The following STEAP4 variants were observed in gnomAD, a reference collection of about 807,000 sequenced individuals.
STEAP4 encodes metalloreductase STEAP4.
STEAP4 carries 36 observed loss-of-function variants against 43.6 expected under a neutral mutation model. The ratio of observed to expected loss-of-function variants is 0.83; its 90% CI spans 0.63 to 1.09. STEAP4 has a LOEUF of 1.09. STEAP4 is among the 50% of genes least tolerant of loss of function. The pLI, the probability that STEAP4 is intolerant of heterozygous loss-of-function variation, is 0.00. For synonymous variants in STEAP4, 191 were observed against 196.7 expected (o/e 0.97, Z 0.24); for missense variants, 495 against 546.5 (o/e 0.91, Z 0.94).
chr7:88,282,744 C>G lies in STEAP4; in HGVS notation c.881G>C (p.Gly294Ala). Residue 294 changes from glycine to alanine, a missense_variant, in exon 3 of 5, where the codon GGC becomes GCC. Physicochemically the swap from Gly to Ala is moderately conservative, Grantham distance 60. Transcript: ENST00000380079. Reference sequence around the variant, plus strand: ...GAAGGCAAATCCCAGAGCTACCAAGCCAAGCTGCTTTCGGCAAAGCATCCA... The same window carrying G: ...GAAGGCAAATCCCAGAGCTACCAAGGCAAGCTGCTTTCGGCAAAGCATCCA... ...DHWMLCRKQL[G>A]LVALGFAFLH... 6.2e-7 allele frequency: 1 copy of G among 1,614,120 alleles called. No individual in the cohort carries two copies. Among genetic ancestry groups the G allele is most frequent in the Non-Finnish European group, 8.5e-7 (1 of 1,180,024 alleles).
At chr7:88,280,167 A>C (rs1189788087) in intron 4 of STEAP4, among the ~76,000 whole-genome samples, 2 of 152,240 alleles carry the variant, frequency 1.3e-5, no homozygotes, top group Non-Finnish European at 2.9e-5. Context: ...TGTTGACTGC[A>C]TTTGGTCCCT....
rs1208747369 is a variant in STEAP4 at position 88,271,347 on chromosome 7, T to C, written c.*8051A>G. On this transcript the variant is annotated 3_prime_UTR_variant, in exon 5 of 5. Coordinates refer to ENST00000380079, the MANE Select transcript of STEAP4 (RefSeq NM_024636.4). ...TCTTGTTTGGTATGGATCTTTTGAA[T>C]CCTTCTGAGAGTTTCTTTAGGCAAT... 1.3e-5 allele frequency: 2 copies of C among 152,228 alleles called. No individual in the cohort carries two copies. The allele number at this position is 152,228 out of a possible 1,614,324, so 9.4% of individuals were successfully genotyped here.
At chr7:88,283,349 A>AC in intron 2 of STEAP4, 181 bp from the exon 3 acceptor site, 1 of 652,320 alleles carries the variant, frequency 1.5e-6, no homozygotes, top group Non-Finnish European at 2.4e-6. Context: ...GGTGTCTTAG[A>AC]TAGGTAAGTA....
chr7:88,280,691 T>A (rs1852603179), intron 4 of STEAP4, among the ~76,000 whole-genome samples: 1 of 152,190 alleles, frequency 6.6e-6, no homozygotes, highest in Non-Finnish European at 1.5e-5. Context: ...ACCTAGTACA[T>A]CTCCACACAT....
At chr7:88,290,408 T>C (rs1031411109) in intron 1 of STEAP4, 3 of 152,084 alleles carry the variant, frequency 2.0e-5, no homozygotes, top group African/African-American at 7.2e-5. Flanking sequence ...AAAAATCAGC[T>C]AATGACCATG....
Position 88,275,782 on chromosome 7 carries a change from A to G in STEAP4, c.*3616T>C, listed in dbSNP as rs1283283233. On this transcript the variant is annotated 3_prime_UTR_variant, in exon 5 of 5. Transcript: ENST00000380079. ...TGCTCTCAGAGGTGAAATGCATAAT[A>G]TGCATTTATCATTATCATGGCTCTT... 6.6e-6 allele frequency: 1 copy of G among 152,162 alleles called. No individual in the cohort carries two copies. Among genetic ancestry groups the G allele is most frequent in the Non-Finnish European group, 1.5e-5 (1 of 68,030 alleles). 9.4% of individuals were successfully genotyped at this position (152,162 alleles called of 1,614,324 possible).
chr7:88,297,444 T>C (rs2116012715), intron 1 of STEAP4, among the ~76,000 whole-genome samples: 1 of 152,246 alleles, frequency 6.6e-6, no homozygotes, highest in Admixed American at 6.5e-5. Context: ...AGCATAAATC[T>C]CTCCAAGGAG....
chr7:88,285,374 T>A (rs1852711675), intron 1 of STEAP4, among the ~76,000 whole-genome samples: 1 of 152,186 alleles, frequency 6.6e-6, no homozygotes, highest in African/African-American at 2.4e-5. Context: ...TACAGCATGT[T>A]CTTGGATGGC....
chr7:88,273,430 G>A lies in STEAP4; in HGVS notation c.*5968C>T, dbSNP rs1040739147. 1.3e-5 allele frequency: 2 copies of A among 152,020 alleles called. No homozygotes were observed. The highest frequency in any genetic ancestry group is 2.9e-5 in the Non-Finnish European group (2 of 68,020). The allele number at this position is 152,020 out of a possible 1,614,324, so 9.4% of individuals were successfully genotyped here. On this transcript the variant is annotated 3_prime_UTR_variant, in exon 5 of 5. Coordinates refer to ENST00000380079, the MANE Select transcript of STEAP4 (RefSeq NM_024636.4). ...ATACAATACTGTGAGTTCCAGTCCAGCAGCCTTTCATTTTCACAAAACTGA... is the reference window on the plus strand; with the variant it reads ...ATACAATACTGTGAGTTCCAGTCCAACAGCCTTTCATTTTCACAAAACTGA...
chr7:88,282,382 C>T, intron 3 of STEAP4: 1 of 490,114 alleles, frequency 2.0e-6, no homozygotes, highest in Admixed American at 3.8e-5. Flanking sequence ...CTCTTGACCA[C>T]ATGATTCACC....
intron 4 of STEAP4, among the ~76,000 whole-genome samples, chr7:88,280,302 A>C (rs894876558): frequency 7.9e-5 from 12 of 152,216 alleles, no homozygotes; most frequent in African/African-American, 2.9e-4. Context: ...AAGGCTCATT[A>C]AATTTCTGGG....
rs1027418607 is a variant in STEAP4, at chr7:88,277,998, ATGT to A, written c.*1397_*1399del. Reference sequence around the variant, plus strand: ...TATAGAAAAATATCCTGGATTGTTGATGTTGTTTTAATATATTTTAATCATTTT... The same window carrying A: ...TATAGAAAAATATCCTGGATTGTTGATGTTTTAATATATTTTAATCATTTT... On this transcript the variant is annotated 3_prime_UTR_variant, in exon 5 of 5. Transcript: ENST00000380079. 6.6e-6 allele frequency: 1 copy of A among 151,814 alleles called. No homozygotes were observed. Among genetic ancestry groups the A allele is most frequent in the Non-Finnish European group, 1.5e-5 (1 of 67,968 alleles). The allele number at this position is 151,814 out of a possible 1,614,324, so 9.4% of individuals were successfully genotyped here.
chr7:88,288,763 A>T (rs1852784580), intron 1 of STEAP4, among the ~76,000 whole-genome samples: 2 of 152,198 alleles, frequency 1.3e-5, no homozygotes, highest in Non-Finnish European at 2.9e-5. Context: ...CTGATAGTTT[A>T]TCCTAAGGAA....
intron 1 of STEAP4, among the ~76,000 whole-genome samples, chr7:88,306,496 G>A (rs1178097280): frequency 6.6e-6 from 1 of 152,200 alleles, no homozygotes; most frequent in African/African-American, 2.4e-5. Context: ...CGCCCCAAGA[G>A]TGCGCCAATC....
chr7:88,297,072 T>C (rs534059148), intron 1 of STEAP4, among the ~76,000 whole-genome samples: 2 of 152,346 alleles, frequency 1.3e-5, no homozygotes, highest in East Asian at 1.9e-4. Context: ...GTGATATTTA[T>C]GTATAATTTT....
rs188226047 is a variant in STEAP4 at position 88,271,195 on chromosome 7, C to T, written c.*8203G>A. 3.3e-5 allele frequency: 5 copies of T among 152,142 alleles called. No individual in the cohort carries two copies. Among genetic ancestry groups the T allele is most frequent in the Admixed American group, 1.3e-4 (2 of 15,282 alleles). 9.4% of individuals were successfully genotyped at this position (152,142 alleles called of 1,614,324 possible). ...TATCTTTTAACAAATTTCTTCCTAT[C>T]CCCCATTACCTTTTAAATTAAATTT... On this transcript the variant is annotated 3_prime_UTR_variant, in exon 5 of 5. Coordinates refer to ENST00000380079, the MANE Select transcript of STEAP4 (RefSeq NM_024636.4).
intron 1 of STEAP4, among the ~76,000 whole-genome samples, chr7:88,303,212 C>CT (rs1204222873): frequency 7.9e-6 from 1 of 126,578 alleles, no homozygotes; most frequent in African/African-American, 2.7e-5. Flanking sequence ...AAAAAAAACT[C>CT]CAACCGGGCG....
In STEAP4 at chr7:88,283,087, G is replaced by T; in HGVS notation, c.538C>A (p.Gln180Lys). The T allele has an allele frequency of 6.2e-7, 1 of 1,610,414 alleles. No homozygotes were observed. The highest frequency in any genetic ancestry group is 8.5e-7 in the Non-Finnish European group (1 of 1,178,664). The change falls in exon 3 of 5, where the codon CAA becomes AAA. Residue 180 changes from glutamine (Q) to lysine (K), a missense_variant. By Grantham distance (53) the Gln-to-Lys change is moderately conservative. Coordinates refer to ENST00000380079, the MANE Select transcript of STEAP4 (RefSeq NM_024636.4). ...VRNLGLTPMD[Q>K]GSLMAAKEIE... Reference sequence around the variant, plus strand: ...TCTTTGGCTGCCATGAGTGATCCTTGATCCATTGGAGTAAGTCCAAGATTA... The same window carrying T: ...TCTTTGGCTGCCATGAGTGATCCTTTATCCATTGGAGTAAGTCCAAGATTA...
intron 1 of STEAP4, among the ~76,000 whole-genome samples, chr7:88,287,041 G>A (rs1852749107): frequency 6.6e-6 from 1 of 152,138 alleles, no homozygotes; most frequent in African/African-American, 2.4e-5. Flanking sequence ...AGGTTACTAA[G>A]AGACAGCAGC....
Sources: gnomAD v4.1 joint callset for allele counts (sites outside exome capture counted in the v4.1 genomes callset) on GRCh38, gnomAD v4.1.1 for gene constraint, MANE v1.5 for transcripts, NCBI Gene and HGNC (gene_info 2026-07-23, HGNC 2026-07-21) for gene names.